Variants in SOCS4 observed in about 807,000 individuals in gnomAD.
The protein encoded by SOCS4 is SH2 domain containing SOCS box protein.
SOCS4 carries 20 observed loss-of-function variants against 34.1 expected under a neutral mutation model. That is an observed-to-expected ratio of 0.59 (90% confidence interval 0.41 to 0.85). The LOEUF is 0.85. SOCS4 is among the 40% of genes least tolerant of loss of function. The pLI is 0.00. For synonymous variants in SOCS4, 180 were observed against 186.4 expected, an observed-to-expected ratio of 0.97 and a Z score of 0.28; for missense variants, 479 against 532.4, an observed-to-expected ratio of 0.90 and a Z score of 0.99.
chr14:55,027,993 T>G (rs2042484704), intron 1 of SOCS4, among the ~76,000 whole-genome samples: 1 of 152,222 alleles, frequency 6.6e-6, no homozygotes, highest in African/African-American at 2.4e-5. Flanking sequence ...GTATCTTCAT[T>G]CTCCATATTG....
At position 55,048,263 on chromosome 14, in the gene SOCS4, G is replaced by A. The variant is rs923651714; in HGVS notation, c.*3899G>A. The A allele has an allele frequency of 6.0e-6, 1 of 167,026 alleles. No individual in the cohort carries two copies. Among genetic ancestry groups the A allele is most frequent in the Non-Finnish European group, 1.5e-5 (1 of 68,108 alleles). 10.3% of individuals were successfully genotyped at this position (167,026 alleles called of 1,614,324 possible). ...ACTTTTCATTAAAATATTTCTTGTCGCTTTTAGCTATTGTCAGAATCCAAT... is the reference window on the plus strand; with the variant it reads ...ACTTTTCATTAAAATATTTCTTGTCACTTTTAGCTATTGTCAGAATCCAAT... On this transcript the variant is annotated 3_prime_UTR_variant, in exon 3 of 3. Coordinates refer to ENST00000555846, the MANE Select transcript of SOCS4 (RefSeq NM_199421.2).
At chr14:55,030,684 A>G (rs2042520750) in intron 1 of SOCS4, among the ~76,000 whole-genome samples, 1 of 152,168 alleles carries the variant, frequency 6.6e-6, no homozygotes, top group Admixed American at 6.5e-5. Context: ...TGGCAGTAAA[A>G]ACATGAGGTA....
intron 1 of SOCS4, among the ~76,000 whole-genome samples, chr14:55,028,058 T>C (rs942656476): frequency 2.6e-5 from 4 of 152,274 alleles, no homozygotes; most frequent in African/African-American, 4.8e-5. Context: ...TTTGTACTTA[T>C]CTTTGAGAAT....
rs2042695366 is a variant in SOCS4, at chr14:55,048,353, A to AT, written c.*3991dup. On this transcript the variant is annotated 3_prime_UTR_variant, in exon 3 of 3. Transcript: ENST00000555846. ...AGGAAAATAGACAAAATTATAAGAG[A>AT]TTCCTGGAGACAACACAAGGAAAAC... 6.0e-6 allele frequency: 1 copy of AT among 167,116 alleles called. No homozygotes were observed. Among genetic ancestry groups the AT allele is most frequent in the South Asian group, 2.1e-4 (1 of 4,832 alleles). 10.4% of individuals were successfully genotyped at this position (167,116 alleles called of 1,614,324 possible). A position where few individuals can be genotyped will look rare whatever the true frequency, so the allele number is the denominator to read the frequency against.
chr14:55,044,238 CT>C lies in SOCS4; in HGVS notation c.1198del (p.Cys400ValfsTer16). On this transcript the variant is annotated frameshift_variant, in exon 3 of 3. Coordinates refer to ENST00000555846, the MANE Select transcript of SOCS4 (RefSeq NM_199421.2). LOFTEE classifies it high-confidence loss of function. ...ATATATGCAGAACAGTTATTTGTAA[CT>C]GTACAACTTATGATGGCATCGATGC... The part of the protein sequence containing the change: ...QHICRTVICN[C>X]TTYDGIDALP... 1 of 1,614,074 alleles carries C rather than the reference CT, an allele frequency of 6.2e-7. No individual in the cohort carries two copies. The highest frequency in any genetic ancestry group is 8.5e-7 in the Non-Finnish European group (1 of 1,179,950).
Position 55,043,388 on chromosome 14 carries a change from T to A in SOCS4, c.347T>A (p.Leu116His), listed in dbSNP as rs1310583981. 1.2e-6 allele frequency: 2 copies of A among 1,614,210 alleles called. No homozygotes were observed. The highest frequency in any genetic ancestry group is 4.5e-5 in the East Asian group (2 of 44,888). Residue 116 changes from leucine to histidine, a missense_variant, in exon 3 of 3, where the codon CTT becomes CAT. By Grantham distance (99) the Leu-to-His change is moderately conservative. Coordinates refer to ENST00000555846, the MANE Select transcript of SOCS4 (RefSeq NM_199421.2). ...KNCSSRHSSG[L>H]PSKRKIHISE... The stretch of plus-strand genomic sequence containing the variant: ...TGTAGTAGTCGGCACTCTTCAGGGC[T>A]TCCGTCTAAAAGGAAAATTCATATC...
At chr14:55,030,679 G>A (rs1566752524) in intron 1 of SOCS4, among the ~76,000 whole-genome samples, 1 of 152,110 alleles carries the variant, frequency 6.6e-6, no homozygotes, top group Non-Finnish European at 1.5e-5. Context: ...ACTCCTGGCA[G>A]TAAAAACATG....
rs895703514 is a variant in SOCS4 at position 55,044,989 on chromosome 14, G to A, written c.*625G>A. ...ATTTTAAATATTAACTCTAAAGCAG[G>A]ATTACTAAATTTGATTAATCTGGTC... On this transcript the variant is annotated 3_prime_UTR_variant, in exon 3 of 3. Coordinates refer to ENST00000555846, the MANE Select transcript of SOCS4 (RefSeq NM_199421.2). 6.0e-6 allele frequency: 1 copy of A among 166,890 alleles called. No homozygotes were observed. The highest frequency in any genetic ancestry group is 2.4e-5 in the African/African-American group (1 of 41,394). The allele number at this position is 166,890 out of a possible 1,614,324, so 10.3% of individuals were successfully genotyped here.
intron 2 of SOCS4, among the ~76,000 whole-genome samples, chr14:55,037,006 T>C (rs1363629162): frequency 6.6e-6 from 1 of 151,832 alleles, no homozygotes; most frequent in Non-Finnish European, 1.5e-5. Flanking sequence ...GTCCCAGTTA[T>C]TTGGGAGGCT....
intron 1 of SOCS4, among the ~76,000 whole-genome samples, chr14:55,028,414 A>C (rs75882862): frequency 6.6e-6 from 1 of 151,718 alleles, no homozygotes; most frequent in Non-Finnish European, 1.5e-5. Context: ...TGAGTGACCT[A>C]ATTTTTTTTT....
rs1365515807 is a variant in SOCS4 at position 55,048,635 on chromosome 14, TTTAAAA to T, written c.*4273_*4278del. 1 of 167,136 alleles carries T rather than the reference TTTAAAA, an allele frequency of 6.0e-6. No individual in the cohort carries two copies. The highest frequency in any genetic ancestry group is 1.5e-5 in the Non-Finnish European group (1 of 68,120). 10.4% of individuals were successfully genotyped at this position (167,136 alleles called of 1,614,324 possible). A position where few individuals can be genotyped will look rare whatever the true frequency, so the allele number is the denominator to read the frequency against. ...ATTGGACACAAAATGGAGGTAACTT[TTTAAAA>T]TAGATTGGCTTGGAAGTTGAAATGT... is the stretch of plus-strand genomic sequence containing the variant. On this transcript the variant is annotated 3_prime_UTR_variant, in exon 3 of 3. Transcript: ENST00000555846.
At chr14:55,038,175 T>C (rs1750848789) in intron 2 of SOCS4, among the ~76,000 whole-genome samples, 2 of 152,346 alleles carry the variant, frequency 1.3e-5, no homozygotes, top group South Asian at 4.1e-4. Context: ...AAGAGACTTA[T>C]TACCATGAGA....
chr14:55,034,784 C>T (rs2042557438), intron 2 of SOCS4, among the ~76,000 whole-genome samples: 2 of 150,804 alleles, frequency 1.3e-5, no homozygotes. Context: ...TGCGCCACTG[C>T]ACTCCAGCCT....
At chr14:55,028,381 G>A (rs2042490353) in intron 1 of SOCS4, among the ~76,000 whole-genome samples, 1 of 152,132 alleles carries the variant, frequency 6.6e-6, no homozygotes, top group South Asian at 2.1e-4. Flanking sequence ...CGAAAGAGCA[G>A]TGGTACCAGA....
intron 2 of SOCS4, among the ~76,000 whole-genome samples, chr14:55,036,289 G>C (rs1289250742): frequency 6.6e-6 from 1 of 151,706 alleles, no homozygotes; most frequent in Admixed American, 6.6e-5. Flanking sequence ...CTTTGATGTT[G>C]AGTGGGATCT....
At position 55,043,458 on chromosome 14, in the gene SOCS4, T is replaced by G; in HGVS notation, c.417T>G (p.Asp139Glu). ...AGTGTCCTTTCCCACCTCGATCAGATTTAGCCTTTAGGTGGCATTTTATTA... is the reference window on the plus strand; with the variant it reads ...AGTGTCCTTTCCCACCTCGATCAGAGTTAGCCTTTAGGTGGCATTTTATTA... Reference protein sequence around the residue: ...LDKCPFPPRSDLAFRWHFIKR... With the variant: ...LDKCPFPPRSELAFRWHFIKR... Residue 139 changes from aspartate (D) to glutamate (E), a missense_variant, in exon 3 of 3, where the codon GAT (aspartate) becomes GAG (glutamate). Coordinates refer to ENST00000555846, the MANE Select transcript of SOCS4 (RefSeq NM_199421.2). 6.2e-7 allele frequency: 1 copy of G among 1,614,218 alleles called. No individual in the cohort carries two copies. The highest frequency in any genetic ancestry group is 8.5e-7 in the Non-Finnish European group (1 of 1,180,034).
chr14:55,030,697 T>C (rs1196521303), intron 1 of SOCS4, among the ~76,000 whole-genome samples: 1 of 152,160 alleles, frequency 6.6e-6, no homozygotes. Context: ...ATGAGGTAGC[T>C]GGCATTATCC....
intron 2 of SOCS4, among the ~76,000 whole-genome samples, chr14:55,034,110 G>A (rs891248313): frequency 6.6e-6 from 1 of 152,202 alleles, no homozygotes; most frequent in Non-Finnish European, 1.5e-5. Flanking sequence ...TCCACCCTGG[G>A]TGACAGTGAG....
chr14:55,027,872 A>G (rs967401913), intron 1 of SOCS4: 1 of 152,244 alleles, frequency 6.6e-6, no homozygotes, highest in East Asian at 1.9e-4. Flanking sequence ...ACTGAAGTGA[A>G]TATTTATAAC....
Sources: gnomAD v4.1 joint callset for allele counts (sites outside exome capture counted in the v4.1 genomes callset) on GRCh38, gnomAD v4.1.1 for gene constraint, MANE v1.5 for transcripts, NCBI Gene and HGNC (gene_info 2026-07-23, HGNC 2026-07-21) for gene names.